LPCAT1: variants seen among roughly 807,000 people sequenced by gnomAD.
The protein encoded by LPCAT1 is 1-acylglycerol-3-phosphate O-acyltransferase.
A neutral mutation model predicts 60.9 loss-of-function variants in LPCAT1; 23 were observed. The ratio of observed to expected loss-of-function variants is 0.38; its 90% CI spans 0.27 to 0.53. The LOEUF (loss-of-function observed/expected upper bound fraction) is 0.53. Among genes scored for constraint, LPCAT1 ranks in the 20% least tolerant of loss-of-function variants. The pLI, the probability that LPCAT1 is intolerant of heterozygous loss-of-function variation, is 0.82. For missense variants in LPCAT1, 622 were observed against 723.6 expected (o/e 0.86, Z 1.61); for synonymous variants, 340 against 301.1 (o/e 1.13, Z -1.34).
intron 11 of LPCAT1, 69 bp downstream of exon 11, chr5:1,473,888 G>A (rs965686702): frequency 2.0e-5 from 31 of 1,549,710 alleles, no homozygotes; most frequent in Non-Finnish European, 2.6e-5. Flanking sequence ...ATATTAGAAT[G>A]AGAACAATTT....
intron 13 of LPCAT1, among the ~76,000 whole-genome samples, chr5:1,465,116 GCA>G (rs146353039): frequency 6.9e-4 from 97 of 140,532 alleles, no homozygotes; most frequent in Middle Eastern, 5.2e-3. Flanking sequence ...CCACACACAT[GCA>G]CACACACACA....
intron 1 of LPCAT1, among the ~76,000 whole-genome samples, chr5:1,503,401 C>T (rs1579804514): frequency 6.6e-6 from 1 of 152,224 alleles, no homozygotes; most frequent in African/African-American, 2.4e-5. Flanking sequence ...GGGTGCTGAG[C>T]TTTATCAGAG....
chr5:1,478,841 C>T (rs1432059241), intron 8 of LPCAT1, among the ~76,000 whole-genome samples: 5 of 152,222 alleles, frequency 3.3e-5, no homozygotes, highest in Non-Finnish European at 5.9e-5. Context: ...AAAAAAAGAA[C>T]TACTCCTCAT....
intron 1 of LPCAT1, among the ~76,000 whole-genome samples, chr5:1,516,295 T>G (rs981061938): frequency 1.3e-5 from 2 of 152,226 alleles, no homozygotes; most frequent in Non-Finnish European, 2.9e-5. Flanking sequence ...GCTTGATGGA[T>G]GCATGGGACC....
At chr5:1,503,739 T>C (rs1178770323) in intron 1 of LPCAT1, among the ~76,000 whole-genome samples, 1 of 152,204 alleles carries the variant, frequency 6.6e-6, no homozygotes, top group Non-Finnish European at 1.5e-5. Context: ...GAGTCCCTTT[T>C]TTTTTGGGTT....
chr5:1,512,529 G>A (rs920566631), intron 1 of LPCAT1, among the ~76,000 whole-genome samples: 5 of 152,230 alleles, frequency 3.3e-5, no homozygotes, highest in Non-Finnish European at 7.3e-5. Flanking sequence ...CCCACGGGGG[G>A]CCACATCTCA....
intron 2 of LPCAT1, among the ~76,000 whole-genome samples, chr5:1,501,067 G>A (rs965506415): frequency 9.2e-5 from 14 of 152,216 alleles, no homozygotes; most frequent in African/African-American, 3.4e-4. Context: ...GAGGTGGGAG[G>A]GGTAAGGGGG....
At chr5:1,479,553 C>T in intron 8 of LPCAT1, 68 bp downstream of exon 8, 1 of 1,124,630 alleles carries the variant, frequency 8.9e-7, no homozygotes, top group South Asian at 1.2e-5. Flanking sequence ...ATCTGGGCAT[C>T]CTGGTGTAAG....
At position 1,477,077 on chromosome 5, in the gene LPCAT1, C is replaced by A. The variant is rs1287485083; in HGVS notation, c.899+327G>T. ...AAAGGTAGGCGTGGAGGCCGCCGCA[C>A]AGATGTGAAGTTGGCCCAGGCCAGC... On this transcript the variant is annotated intron_variant, in intron 9 of 13. Coordinates refer to ENST00000283415, the MANE Select transcript of LPCAT1 (RefSeq NM_024830.5). This position sits in a 1 kb window ranked among gnomAD's most constrained non-coding sequence, Gnocchi z 6.0. 6.6e-6 allele frequency among the ~76,000 whole-genome samples: 1 copy of A among 152,234 alleles called. No homozygotes were observed. The highest frequency in any genetic ancestry group is 2.4e-5 in the African/African-American group (1 of 41,458).
At chr5:1,465,000 A>G (rs2911485) in intron 13 of LPCAT1, among the ~76,000 whole-genome samples, 2 of 149,016 alleles carry the variant, frequency 1.3e-5, no homozygotes, top group Admixed American at 6.6e-5. Context: ...CAGGCACACA[A>G]TAACATGCAC....
intron 11 of LPCAT1, among the ~76,000 whole-genome samples, chr5:1,473,429 G>C (rs970586835): frequency 6.6e-6 from 1 of 152,272 alleles, no homozygotes; most frequent in Non-Finnish European, 1.5e-5. Flanking sequence ...TGCCCGCCAT[G>C]TTCAGGGCCA....
In LPCAT1 at chr5:1,476,461, G is replaced by A. The variant is rs1017713597; in HGVS notation, c.899+943C>T. ...CAGCGGAGTGTGAACAAAGTGGCTC[G>A]GAGGTCAGAGCCAGGCACACTCTGA... On this transcript the variant is annotated intron_variant, in intron 9 of 13. Transcript: ENST00000283415. This position sits in a 1 kb window ranked among gnomAD's most constrained non-coding sequence, Gnocchi z 8.6. Among the ~76,000 whole-genome samples, 3 of 152,088 alleles carry A rather than the reference G, an allele frequency of 2.0e-5. No homozygotes were observed. Among genetic ancestry groups the A allele is most frequent in the East Asian group, 1.9e-4 (1 of 5,182 alleles).
In LPCAT1 at chr5:1,514,779, C is replaced by G. The variant is rs1167967605; in HGVS notation, c.135+8931G>C. On this transcript the variant is annotated intron_variant, in intron 1 of 13. Coordinates refer to ENST00000283415, the MANE Select transcript of LPCAT1 (RefSeq NM_024830.5). Reference sequence around the variant, plus strand: ...GGGATCATTCCAACAAAAAGGTCCCCCTGCGTGCTCCGCCAGGACCCCACC... The same window carrying G: ...GGGATCATTCCAACAAAAAGGTCCCGCTGCGTGCTCCGCCAGGACCCCACC... Among the ~76,000 whole-genome samples, 9 of 152,212 alleles carry G rather than the reference C, an allele frequency of 5.9e-5. No individual in the cohort carries two copies. The East Asian group carries it at 1.5e-3, about 26-fold the overall frequency.
At chr5:1,499,494 C>G (rs549775943) in intron 2 of LPCAT1, among the ~76,000 whole-genome samples, 22 of 152,334 alleles carry the variant, frequency 1.4e-4, no homozygotes, top group African/African-American at 4.8e-4. Context: ...ATTTACTTTG[C>G]TTGGTTATAT....
In LPCAT1 at chr5:1,502,112, C is replaced by T. The variant is rs1346329122; in HGVS notation, c.136-509G>A. On this transcript the variant is annotated intron_variant, in intron 1 of 13. Coordinates refer to ENST00000283415, the MANE Select transcript of LPCAT1 (RefSeq NM_024830.5). This position sits in a 1 kb window ranked among gnomAD's most constrained non-coding sequence, Gnocchi z 5.5. ...AACTGACATGCTCCACACCCACTGC[C>T]CGCTTCCTGCCTCCTTACTGGAGCT... Among the ~76,000 whole-genome samples the T allele has an allele frequency of 6.6e-6, 1 of 152,240 alleles. No homozygotes were observed. Among genetic ancestry groups the T allele is most frequent in the Admixed American group, 6.5e-5 (1 of 15,292 alleles).
intron 3 of LPCAT1, among the ~76,000 whole-genome samples, chr5:1,492,010 C>A (rs1183948079): frequency 6.6e-6 from 1 of 152,008 alleles, no homozygotes; most frequent in Non-Finnish European, 1.5e-5. Flanking sequence ...CGTCTCTGAG[C>A]TGGGACCAGG....
At chr5:1,505,921 C>T (rs1399295604) in intron 1 of LPCAT1, among the ~76,000 whole-genome samples, 2 of 152,260 alleles carry the variant, frequency 1.3e-5, no homozygotes, top group Non-Finnish European at 2.9e-5. Flanking sequence ...AGTGCACCTG[C>T]TCCTGTTGGT....
Position 1,522,390 on chromosome 5 carries a change from C to G in LPCAT1, c.135+1320G>C, listed in dbSNP as rs1016506828. Among the ~76,000 whole-genome samples the G allele has an allele frequency of 2.0e-5, 3 of 152,288 alleles. No homozygotes were observed. The highest frequency in any genetic ancestry group is 7.2e-5 in the African/African-American group (3 of 41,552). On this transcript the variant is annotated intron_variant, in intron 1 of 13. Coordinates refer to ENST00000283415, the MANE Select transcript of LPCAT1 (RefSeq NM_024830.5). This position sits in a 1 kb window ranked among gnomAD's most constrained non-coding sequence, Gnocchi z 6.8. ...AGCGTGTGGCAGACAGAGGGCCAGG[C>G]AGAGCGGCGGCAGAGGGGCCGGCAC...
chr5:1,473,872 ATATT>A, intron 11 of LPCAT1, 81 bp downstream of exon 11: 1 of 1,492,002 alleles, frequency 6.7e-7, no homozygotes, highest in Non-Finnish European at 9.1e-7. Flanking sequence ...ATGTGAAAAT[ATATT>A]TATATTAGAA....
Sources: allele counts gnomAD v4.1 joint callset (sites outside exome capture counted in the v4.1 genomes callset), GRCh38; gene constraint gnomAD v4.1.1; non-coding constraint Gnocchi (gnomAD v3.1); transcripts MANE v1.5; gene names NCBI Gene and HGNC (gene_info 2026-07-23, HGNC 2026-07-21).